Variants in CUX2 observed in about 807,000 individuals in gnomAD.
CUX2 encodes the protein cut like homeobox 2.
In CUX2, 40 loss-of-function variants were observed where a neutral mutation model predicts 144.8. That is an observed-to-expected ratio of 0.28 (90% confidence interval 0.21 to 0.36). The LOEUF is 0.36. Among genes scored for constraint, CUX2 ranks in the 10% least tolerant of loss-of-function variants. CUX2 has a pLI of 1.00. For synonymous variants in CUX2, 827 were observed against 875.6 expected, an observed-to-expected ratio of 0.94 and a Z score of 0.98; for missense variants, 1,615 against 1,994.0, an observed-to-expected ratio of 0.81 and a Z score of 3.62.
chr12:111,284,191 C>T (rs1477228165), intron 4 of CUX2, among the ~76,000 whole-genome samples: 1 of 152,218 alleles, frequency 6.6e-6, no homozygotes, highest in Non-Finnish European at 1.5e-5. Flanking sequence ...AAGCACCCGC[C>T]TCCATGGGAT....
chr12:111,161,939 T>G (rs1877798587), intron 1 of CUX2, among the ~76,000 whole-genome samples: 1 of 152,240 alleles, frequency 6.6e-6, no homozygotes, highest in African/African-American at 2.4e-5. Flanking sequence ...TATCCCCATG[T>G]TGCCCAATGT....
rs1015806535 is a variant in CUX2 at position 111,237,064 on chromosome 12, G to A, written c.222+19127G>A. ...CTTGGGAGGCTGAGGTAGGAGGATC[G>A]CTTGAGCCTGGGAGGCCAAGTTTGC... On this transcript the variant is annotated intron_variant, in intron 3 of 21. Coordinates refer to ENST00000261726, the MANE Select transcript of CUX2 (RefSeq NM_015267.4). 6.6e-5 allele frequency among the ~76,000 whole-genome samples: 10 copies of A among 152,228 alleles called. No individual in the cohort carries two copies. The South Asian group carries it at 1.9e-3, about 28-fold the overall frequency.
At chr12:111,213,712 G>A (rs552470898) in intron 1 of CUX2, among the ~76,000 whole-genome samples, 55 of 152,300 alleles carry the variant, frequency 3.6e-4, no homozygotes, top group African/African-American at 1.3e-3. Context: ...ACCTTTAAGT[G>A]TAAGTAAGTC....
intron 4 of CUX2, among the ~76,000 whole-genome samples, chr12:111,278,069 T>C (rs1884964097): frequency 6.6e-6 from 1 of 152,140 alleles, no homozygotes; most frequent in Admixed American, 6.5e-5. Flanking sequence ...CTTCAGTCAA[T>C]CTCTGACTGT....
At chr12:111,121,369 C>CTTTTTTTTTTTTTTTTTTTTTTTTTTTTT (rs5800920) in intron 1 of CUX2, among the ~76,000 whole-genome samples, 1 of 59,040 alleles carries the variant, frequency 1.7e-5, no homozygotes, top group African/African-American at 5.4e-5. Context: ...TTTCTTTTTT[C>CTTTTTTTTTTTTTTTTTTTTTTTTTTTTT]TTTTTTTTTT....
intron 3 of CUX2, among the ~76,000 whole-genome samples, chr12:111,235,866 C>T (rs955165622): frequency 6.6e-6 from 1 of 152,016 alleles, no homozygotes; most frequent in African/African-American, 2.4e-5. Flanking sequence ...GTCTGGGGCT[C>T]AGGTTTTGGG....
rs1189716109 is a variant in CUX2 at position 111,277,853 on chromosome 12, T to C, written c.302-13565T>C. ...AGAGGCTTAAAACAACACACGTTTA[T>C]GATCTCACCGTTCTGCAGAACAGAA... On this transcript the variant is annotated intron_variant, in intron 4 of 21. Coordinates refer to ENST00000261726, the MANE Select transcript of CUX2 (RefSeq NM_015267.4). The surrounding 1 kb of genome is among the most constrained non-coding windows in gnomAD (Gnocchi z 5.0). Among the ~76,000 whole-genome samples the C allele has an allele frequency of 6.6e-6, 1 of 152,252 alleles. No homozygotes were observed. The highest frequency in any genetic ancestry group is 6.5e-5 in the Admixed American group (1 of 15,288).
intron 1 of CUX2, among the ~76,000 whole-genome samples, chr12:111,139,439 G>C (rs1021687764): frequency 6.6e-6 from 1 of 152,154 alleles, no homozygotes; most frequent in Non-Finnish European, 1.5e-5. Context: ...GCAAAGGTTT[G>C]AGCAATGGGC....
intron 1 of CUX2, among the ~76,000 whole-genome samples, chr12:111,071,749 C>T (rs976510685): frequency 6.6e-6 from 1 of 152,154 alleles, no homozygotes; most frequent in Non-Finnish European, 1.5e-5. Context: ...CATTTAGGTC[C>T]ATGATCCATT....
At chr12:111,257,774 C>G (rs1400251593) in intron 3 of CUX2, among the ~76,000 whole-genome samples, 1 of 150,122 alleles carries the variant, frequency 6.7e-6, no homozygotes, top group Non-Finnish European at 1.5e-5. Context: ...TCTCCCCTTC[C>G]TCCATCCTCC....
intron 2 of CUX2, among the ~76,000 whole-genome samples, chr12:111,216,844 G>C (rs1881560457): frequency 6.6e-6 from 1 of 152,246 alleles, no homozygotes; most frequent in Non-Finnish European, 1.5e-5. Context: ...GAGCAACACA[G>C]TGTTATTTGC....
chr12:111,133,718 C>G (rs113930226), intron 1 of CUX2, among the ~76,000 whole-genome samples: 2 of 151,934 alleles, frequency 1.3e-5, no homozygotes, highest in Non-Finnish European at 2.9e-5. Context: ...TGGTTGGGGG[C>G]GGGGGTCTTT....
Position 111,320,299 on chromosome 12 carries a change from CCCGCCG to C in CUX2, c.2293_2298del (p.Ala765_Ala766del), listed in dbSNP as rs777548811. On this transcript the variant is annotated inframe_deletion, in exon 17 of 22. Transcript: ENST00000261726. This position sits in a 1 kb window ranked among gnomAD's most constrained non-coding sequence, Gnocchi z 8.1. ...GCAGGCGCCGCTCCCGGTCCTGTCC[CCCGCCG>C]CCTTCGTGCAGAGCATCATCCGCAA... is the stretch of plus-strand genomic sequence containing the variant. 1.1e-5 allele frequency: 18 copies of C among 1,597,382 alleles called. No individual in the cohort carries two copies. Among genetic ancestry groups the C allele is most frequent in the Non-Finnish European group, 1.5e-5 (18 of 1,178,958 alleles).
intron 1 of CUX2, among the ~76,000 whole-genome samples, chr12:111,118,251 G>T (rs766931865): frequency 1.3e-5 from 2 of 151,990 alleles, no homozygotes; most frequent in Non-Finnish European, 2.9e-5. Flanking sequence ...TTTCAAACCA[G>T]GTACTCAAAA....
Position 111,291,560 on chromosome 12 carries a change from T to C in CUX2, c.436+8T>C. 6.3e-7 allele frequency: 1 copy of C among 1,595,506 alleles called. No homozygotes were observed. Among genetic ancestry groups the C allele is most frequent in the Non-Finnish European group, 8.5e-7 (1 of 1,171,710 alleles). ...AGCTCCTCAGCCCCAAAGGTACTGATAAGGCCTTCTCGGAGCGTCTACAAT... is the reference window on the plus strand; with the variant it reads ...AGCTCCTCAGCCCCAAAGGTACTGACAAGGCCTTCTCGGAGCGTCTACAAT... On this transcript the variant is annotated splice_region_variant and intron_variant, in intron 5 of 21. Coordinates refer to ENST00000261726, the MANE Select transcript of CUX2 (RefSeq NM_015267.4).
chr12:111,094,493 T>C (rs1259262629), intron 1 of CUX2, among the ~76,000 whole-genome samples: 1 of 152,234 alleles, frequency 6.6e-6, no homozygotes, highest in African/African-American at 2.4e-5. Context: ...ACCTAGCTTT[T>C]GGCAGCATCC....
intron 8 of CUX2, among the ~76,000 whole-genome samples, chr12:111,297,325 T>A (rs1411248703): frequency 6.6e-6 from 1 of 152,184 alleles, no homozygotes; most frequent in Non-Finnish European, 1.5e-5. Context: ...GTCTCTTCCC[T>A]CTGACCTCTC....
At chr12:111,254,473 C>T (rs1883713483) in intron 3 of CUX2, among the ~76,000 whole-genome samples, 1 of 152,198 alleles carries the variant, frequency 6.6e-6, no homozygotes, top group African/African-American at 2.4e-5. Context: ...GGCCTCAGAG[C>T]TCAAGCTCTG....
chr12:111,206,952 T>C (rs924537008), intron 1 of CUX2, among the ~76,000 whole-genome samples: 2 of 152,168 alleles, frequency 1.3e-5, no homozygotes, highest in African/African-American at 4.8e-5. Context: ...ATTGGATGAA[T>C]GCATAAATGG....
Sources: gnomAD v4.1 joint callset for allele counts (sites outside exome capture counted in the v4.1 genomes callset) on GRCh38, gnomAD v4.1.1 for gene constraint, Gnocchi (gnomAD v3.1) non-coding constraint, MANE v1.5 for transcripts, NCBI Gene and HGNC (gene_info 2026-07-23, HGNC 2026-07-21) for gene names.